Variants in COLQ observed in about 807,000 individuals in gnomAD.
The protein encoded by COLQ is collagen like tail subunit of asymmetric acetylcholinesterase, also known as acetylcholinesterase collagenic tail peptide.
Under a neutral mutation model 69.0 loss-of-function variants are expected in COLQ, and 48 were observed. The ratio of observed to expected loss-of-function variants is 0.70; its 90% CI spans 0.55 to 0.88. COLQ has a LOEUF of 0.88. COLQ is among the 40% of genes least tolerant of loss of function. COLQ has a pLI of 0.00. For missense variants in COLQ, 618 were observed against 594.6 expected (o/e 1.04, Z -0.41); for synonymous variants, 217 against 211.2 (o/e 1.03, Z -0.24).
At position 15,465,238 on chromosome 3, in the gene COLQ, TTA is replaced by T. The variant is rs1559515574; in HGVS notation, c.814+1101_814+1102del. Among the ~76,000 whole-genome samples, 17 of 119,230 alleles carry T rather than the reference TTA, an allele frequency of 1.4e-4. 1 individual carries two copies. The highest frequency in any genetic ancestry group is 8.6e-4 in the Admixed American group (9 of 10,482). 78.2% of individuals were successfully genotyped at this position (119,230 alleles called of 152,430 possible). The stretch of plus-strand genomic sequence containing the variant: ...TCAATAACAGACTTTATATTTTGAT[TTA>T]TTTATTTATTTATTTATTTATTTAT... On this transcript the variant is annotated intron_variant, in intron 12 of 16. Coordinates refer to ENST00000383788, the MANE Select transcript of COLQ (RefSeq NM_005677.4).
intron 5 of COLQ, chr3:15,478,683 A>T (rs2062422473): frequency 1.8e-6 from 1 of 546,806 alleles, no homozygotes; most frequent in Admixed American, 3.1e-5. Flanking sequence ...TGGGTAGCAG[A>T]GTGAGATGGT....
At chr3:15,495,771 T>C (rs2062737391) in intron 1 of COLQ, among the ~76,000 whole-genome samples, 1 of 152,226 alleles carries the variant, frequency 6.6e-6, no homozygotes, top group Admixed American at 6.5e-5. Context: ...TGCCAATGTA[T>C]TCCTCCTCAA....
intron 11 of COLQ, among the ~76,000 whole-genome samples, chr3:15,469,429 A>G (rs1362685830): frequency 1.3e-5 from 2 of 152,204 alleles, no homozygotes; most frequent in African/African-American, 4.8e-5. Flanking sequence ...ATCTGAGCCT[A>G]CTTTTAAGAA....
chr3:15,509,217 G>A (rs1270702050), intron 1 of COLQ, among the ~76,000 whole-genome samples: 2 of 152,152 alleles, frequency 1.3e-5, no homozygotes, highest in Middle Eastern at 3.2e-3. Flanking sequence ...TGCCCAGGAG[G>A]ACCTGCACTA....
chr3:15,480,275 G>A (rs960470179), intron 3 of COLQ, among the ~76,000 whole-genome samples: 3 of 152,126 alleles, frequency 2.0e-5, no homozygotes, highest in Non-Finnish European at 4.4e-5. Context: ...TTGGTGTGCT[G>A]CACCCACTAA....
intron 10 of COLQ, among the ~76,000 whole-genome samples, chr3:15,472,863 C>A (rs2062312221): frequency 6.6e-6 from 1 of 150,752 alleles, no homozygotes; most frequent in African/African-American, 2.4e-5. Flanking sequence ...CTTTTCTTTT[C>A]TTTTCTTTTT....
At chr3:15,495,504 T>A (rs576264818) in intron 1 of COLQ, among the ~76,000 whole-genome samples, 1 of 152,228 alleles carries the variant, frequency 6.6e-6, no homozygotes, top group Admixed American at 6.5e-5. Context: ...GATAGGAGAA[T>A]GTTTAGTTAC....
chr3:15,489,826 G>C (rs1034437093), intron 1 of COLQ, among the ~76,000 whole-genome samples, 189 bp from the exon 2 acceptor site: 1 of 152,218 alleles, frequency 6.6e-6, no homozygotes, highest in East Asian at 1.9e-4. Context: ...GCCTTTGCTA[G>C]ATTAAGATGG....
chr3:15,458,410 GA>G, intron 12 of COLQ, 85 bp from the exon 13 acceptor site: 7 of 1,496,896 alleles, frequency 4.7e-6, no homozygotes, highest in Middle Eastern at 1.7e-4. Context: ...CTTTGCAACA[GA>G]AAAAAGGTTA....
intron 1 of COLQ, among the ~76,000 whole-genome samples, chr3:15,493,169 C>A (rs2062697330): frequency 6.6e-6 from 1 of 152,168 alleles, no homozygotes. Context: ...CTGGGGAAGT[C>A]ATGCATACTT....
intron 1 of COLQ, among the ~76,000 whole-genome samples, chr3:15,491,930 C>A (rs1323780229): frequency 2.0e-5 from 3 of 151,924 alleles, no homozygotes; most frequent in Non-Finnish European, 4.4e-5. Context: ...CGGTGGCATG[C>A]ACCTGTAGTC....
At chr3:15,460,310 T>G (rs1039354752) in intron 12 of COLQ, among the ~76,000 whole-genome samples, 3 of 151,848 alleles carry the variant, frequency 2.0e-5, no homozygotes, top group Non-Finnish European at 4.4e-5. Context: ...CAGAAGAGGG[T>G]AAAAGTCACA....
At chr3:15,456,647 G>A in intron 13 of COLQ, 68 bp from the exon 14 acceptor site, 2 of 1,599,842 alleles carry the variant, frequency 1.3e-6, no homozygotes, top group Non-Finnish European at 1.7e-6. Context: ...AAAGCTGGAG[G>A]AGGAAACAGA....
intron 1 of COLQ, among the ~76,000 whole-genome samples, chr3:15,504,997 A>G (rs2062887378): frequency 6.6e-6 from 1 of 152,274 alleles, no homozygotes; most frequent in East Asian, 1.9e-4. Flanking sequence ...TCCCTGAACA[A>G]TTATCTTTAC....
intron 1 of COLQ, among the ~76,000 whole-genome samples, chr3:15,500,476 C>G (rs542261520): frequency 6.6e-6 from 1 of 152,290 alleles, no homozygotes; most frequent in East Asian, 1.9e-4. Flanking sequence ...TGGCATCAAA[C>G]TTTTTCTAAA....
Position 15,472,722 on chromosome 3 carries a change from G to T in COLQ, c.636+1278C>A, listed in dbSNP as rs118023690. On this transcript the variant is annotated intron_variant, in intron 10 of 16. Coordinates refer to ENST00000383788, the MANE Select transcript of COLQ (RefSeq NM_005677.4). The stretch of plus-strand genomic sequence containing the variant: ...TTCTTCTTCCCCAACCCTAACCCTC[G>T]GTAAAAGTTTCAAAACATATGTTGG... Among the ~76,000 whole-genome samples, 4 of 151,862 alleles carry T rather than the reference G, an allele frequency of 2.6e-5. No homozygotes were observed. In the East Asian group the frequency reaches 7.7e-4, roughly 29 times the overall value.
In COLQ at chr3:15,456,071, C is replaced by T. The variant is rs769642026; in HGVS notation, c.1075-52G>A. On this transcript the variant is annotated intron_variant, in intron 14 of 16. Coordinates refer to ENST00000383788, the MANE Select transcript of COLQ (RefSeq NM_005677.4). ...CTGGAGCATGGCATACCCAGGCAGCCGCAGGCAGGGAGGTCATTGGTTTTG... is the reference window on the plus strand; with the variant it reads ...CTGGAGCATGGCATACCCAGGCAGCTGCAGGCAGGGAGGTCATTGGTTTTG... 1.2e-4 allele frequency: 193 copies of T among 1,609,682 alleles called. No individual in the cohort carries two copies. In the East Asian group the frequency reaches 1.4e-3, roughly 12 times the overall value.
Position 15,479,211 on chromosome 3 carries a change from C to T in COLQ, c.366+127G>A, listed in dbSNP as rs2062435202. 34 of 1,182,358 alleles carry T rather than the reference C, an allele frequency of 2.9e-5. No individual in the cohort carries two copies. In the South Asian group the frequency reaches 4.1e-4, roughly 14 times the overall value. The allele number at this position is 1,182,358 out of a possible 1,614,324, so 73.2% of individuals were successfully genotyped here. A position where few individuals can be genotyped will look rare whatever the true frequency, so the allele number is the denominator to read the frequency against. On this transcript the variant is annotated intron_variant, in intron 4 of 16. Transcript: ENST00000383788. ...GCAGCAGCCCAGCCATCATGGAACC[C>T]AGCCTCTCACCAAGGCAGAGTTAGC...
chr3:15,458,854 T>C (rs2062064671), intron 12 of COLQ, among the ~76,000 whole-genome samples: 1 of 151,882 alleles, frequency 6.6e-6, no homozygotes, highest in Non-Finnish European at 1.5e-5. Context: ...GAATTTTTTT[T>C]TTTTTTTGAG....
Sources: allele counts gnomAD v4.1 joint callset (sites outside exome capture counted in the v4.1 genomes callset), GRCh38; gene constraint gnomAD v4.1.1; transcripts MANE v1.5; gene names NCBI Gene and HGNC (gene_info 2026-07-23, HGNC 2026-07-21).